SEL1L: variants seen among roughly 807,000 people sequenced by gnomAD.
SEL1L encodes SEL1L adaptor subunit of SYVN1 ubiquitin ligase, also known as protein sel-1 homolog 1.
SEL1L carries 52 observed loss-of-function variants against 109.8 expected under a neutral mutation model. The observed-to-expected ratio is 0.47, with a 90% CI of 0.38 to 0.60. The LOEUF (loss-of-function observed/expected upper bound fraction) is 0.60, where lower values mean the gene tolerates loss of function less well. SEL1L is among the 20% of genes least tolerant of loss of function. The pLI is 0.00. For synonymous variants in SEL1L, 373 were observed against 339.6 expected (o/e 1.10, Z -1.08); for missense variants, 749 against 962.2 (o/e 0.78, Z 2.93).
At chr14:81,489,678 C>G (rs1364607069) in intron 13 of SEL1L, among the ~76,000 whole-genome samples, 1 of 152,154 alleles carries the variant, frequency 6.6e-6, no homozygotes, top group Non-Finnish European at 1.5e-5. Context: ...CATCCCACTC[C>G]AATAAAGAGG....
chr14:81,504,365 T>C (rs2371802), intron 4 of SEL1L, 59 bp from the exon 5 acceptor site: 4 of 1,219,618 alleles, frequency 3.3e-6, no homozygotes, highest in Non-Finnish European at 4.5e-6. Context: ...TTATCAACCA[T>C]TAGTATTCTT....
chr14:81,479,474 C>T (rs1323105729), intron 20 of SEL1L, 138 bp downstream of exon 20: 5 of 749,526 alleles, frequency 6.7e-6, no homozygotes, highest in Non-Finnish European at 9.8e-6. Flanking sequence ...TCCTCGGGTA[C>T]CTGAGCTGAG....
At chr14:81,487,725 T>A in intron 15 of SEL1L, 130 bp downstream of exon 15, 1 of 1,513,264 alleles carries the variant, frequency 6.6e-7, no homozygotes, top group Non-Finnish European at 8.8e-7. Flanking sequence ...GATGTACAAA[T>A]CATTGAACTG....
rs8022069 is a variant in SEL1L at position 81,504,168 on chromosome 14, T to C, written c.614+33A>G. The C allele has an allele frequency of 0.012, 15,913 of 1,353,888 alleles. 1,573 individuals carry two copies. The African/African-American group carries it at 0.21, about 18-fold the overall frequency. The allele number at this position is 1,353,888 out of a possible 1,614,324, so 83.9% of individuals were successfully genotyped here. A position where few individuals can be genotyped will look rare whatever the true frequency, so the allele number is the denominator to read the frequency against. Reference sequence around the variant, plus strand: ...TATTTGTCTCAGTAATGGCCTGTCATGGGGGAAAAGTGGACTTAGCAGTGC... The same window carrying C: ...TATTTGTCTCAGTAATGGCCTGTCACGGGGGAAAAGTGGACTTAGCAGTGC... On this transcript the variant is annotated intron_variant, in intron 5 of 20. Transcript: ENST00000336735.
intron 17 of SEL1L, 136 bp from the exon 18 acceptor site, chr14:81,485,882 G>C: frequency 1.4e-6 from 1 of 712,822 alleles, no homozygotes; most frequent in Non-Finnish European, 2.3e-6. Flanking sequence ...AACAAATACT[G>C]AAATTAATTA....
chr14:81,490,687 T>C (rs1883506344), intron 12 of SEL1L, among the ~76,000 whole-genome samples: 1 of 152,156 alleles, frequency 6.6e-6, no homozygotes, highest in Non-Finnish European at 1.5e-5. Flanking sequence ...GATCACCCGA[T>C]GTCAGGAGTT....
chr14:81,481,962 C>T (rs186783353), intron 19 of SEL1L, among the ~76,000 whole-genome samples: 35 of 151,444 alleles, frequency 2.3e-4, no homozygotes, highest in African/African-American at 6.6e-4. Context: ...ACCCAGAGGG[C>T]GGAGGTTGCA....
At chr14:81,518,233 C>T (rs1050996600) in intron 3 of SEL1L, among the ~76,000 whole-genome samples, 11 of 151,716 alleles carry the variant, frequency 7.3e-5, no homozygotes, top group African/African-American at 2.4e-4. Context: ...ATGAGACTGA[C>T]TCAGCCCTGG....
intron 6 of SEL1L, among the ~76,000 whole-genome samples, chr14:81,502,282 G>A (rs1884047101): frequency 6.6e-6 from 1 of 152,082 alleles, no homozygotes; most frequent in Non-Finnish European, 1.5e-5. Flanking sequence ...GTACATATGT[G>A]ATGTGTACTT....
intron 12 of SEL1L, among the ~76,000 whole-genome samples, chr14:81,490,927 CAAAA>C (rs1306427236): frequency 6.6e-6 from 1 of 152,012 alleles, no homozygotes; most frequent in East Asian, 1.9e-4. Context: ...ACAAAAAAAA[CAAAA>C]GAATTAAAAG....
intron 19 of SEL1L, among the ~76,000 whole-genome samples, chr14:81,481,822 G>A (rs1382084320): frequency 6.6e-6 from 1 of 152,060 alleles, no homozygotes; most frequent in African/African-American, 2.4e-5. Context: ...CATGAGGTCA[G>A]GAGTTCAAGA....
chr14:81,498,372 T>A (rs1595515258), intron 9 of SEL1L, 41 bp downstream of exon 9: 1 of 1,471,220 alleles, frequency 6.8e-7, no homozygotes, highest in East Asian at 2.3e-5. Flanking sequence ...TAATTCCATT[T>A]ATTTTTTTTT....
In SEL1L at chr14:81,472,310, T is replaced by C. The variant is rs1034018929; in HGVS notation, c.*4662A>G. 3.1e-5 allele frequency: 6 copies of C among 193,930 alleles called. 1 individual carries two copies. In the South Asian group the frequency reaches 4.7e-4, roughly 15 times the overall value. The allele number at this position is 193,930 out of a possible 1,614,324, so 12.0% of individuals were successfully genotyped here. A position where few individuals can be genotyped will look rare whatever the true frequency, so the allele number is the denominator to read the frequency against. On this transcript the variant is annotated 3_prime_UTR_variant, in exon 21 of 21. Coordinates refer to ENST00000336735, the MANE Select transcript of SEL1L (RefSeq NM_005065.6). ...GCTCCCACAAGTACAATTTGAGATCTTGAGATCTGACATCTCAGTTGCCAC... is the reference window on the plus strand; with the variant it reads ...GCTCCCACAAGTACAATTTGAGATCCTGAGATCTGACATCTCAGTTGCCAC...
intron 3 of SEL1L, among the ~76,000 whole-genome samples, chr14:81,514,524 A>G (rs1386280679): frequency 6.6e-6 from 1 of 152,212 alleles, no homozygotes; most frequent in East Asian, 1.9e-4. Context: ...GAGGACAGAC[A>G]AGAGTGCAGG....
chr14:81,509,988 G>T (rs544288756), intron 3 of SEL1L, among the ~76,000 whole-genome samples: 1 of 152,200 alleles, frequency 6.6e-6, no homozygotes, highest in Non-Finnish European at 1.5e-5. Context: ...CCGGGGCATC[G>T]TCAACACGGA....
At chr14:81,489,062 C>G in intron 14 of SEL1L, 190 bp downstream of exon 14, 2 of 636,672 alleles carry the variant, frequency 3.1e-6, no homozygotes, top group East Asian at 2.8e-5. Context: ...CAGAGCTGTT[C>G]TAAGACAGTT....
chr14:81,500,058 T>C (rs1198395685), intron 6 of SEL1L, among the ~76,000 whole-genome samples: 1 of 151,640 alleles, frequency 6.6e-6, no homozygotes, highest in African/African-American at 2.4e-5. Context: ...TAGAGGCGTA[T>C]GCCACCACGC....
At chr14:81,500,066 C>A (rs1450127670) in intron 6 of SEL1L, among the ~76,000 whole-genome samples, 4 of 151,786 alleles carry the variant, frequency 2.6e-5, no homozygotes, top group Admixed American at 2.6e-4. Context: ...TATGCCACCA[C>A]GCCCAGCTAG....
chr14:81,477,303 ATGTGTGTGTGTGTGTGTG>A (rs10690579), intron 20 of SEL1L, 122 bp from the exon 21 acceptor site: 27 of 541,494 alleles, frequency 5.0e-5, no homozygotes, highest in African/African-American at 4.8e-4. Context: ...ACGTTTTGCA[ATGTGTGTGTGTGTGTGTG>A]TGTGTGTGTG....
Sources: allele counts gnomAD v4.1 joint callset (sites outside exome capture counted in the v4.1 genomes callset), GRCh38; gene constraint gnomAD v4.1.1; transcripts MANE v1.5; gene names NCBI Gene and HGNC (gene_info 2026-07-23, HGNC 2026-07-21).